The following PRMT1 variants were observed in gnomAD, a reference collection of about 807,000 sequenced individuals.
PRMT1 encodes protein arginine methyltransferase 1.
Under a neutral mutation model 47.4 loss-of-function variants are expected in PRMT1, and 5 were observed. That is an observed-to-expected ratio of 0.11 (90% CI 0.06 to 0.22). PRMT1 has a LOEUF of 0.22. Ranked by LOEUF, PRMT1 falls within the 10% of genes least tolerant of loss-of-function variation. The pLI is 1.00. For synonymous variants in PRMT1, 227 were observed against 204.6 expected, an observed-to-expected ratio of 1.11 and a Z score of -0.94; for missense variants, 249 against 518.4, an observed-to-expected ratio of 0.48 and a Z score of 5.05.
At chr19:49,679,705 C>A (rs2082087059) in intron 1 of PRMT1, 167 bp from the exon 2 acceptor site, 3 of 670,464 alleles carry the variant, frequency 4.5e-6, no homozygotes, top group Non-Finnish European at 8.2e-6. Context: ...CTTTTCCCAC[C>A]CTTTCTTAAA....
At chr19:49,678,427 G>A (rs2082068996) in intron 1 of PRMT1, among the ~76,000 whole-genome samples, 1 of 152,162 alleles carries the variant, frequency 6.6e-6, no homozygotes. Flanking sequence ...CTCTGGGGCT[G>A]GGGTTGTCTG....
intron 5 of PRMT1, 81 bp downstream of exon 5, chr19:49,682,340 G>T (rs1167820643): frequency 2.1e-6 from 3 of 1,458,214 alleles, no homozygotes; most frequent in Non-Finnish European, 2.9e-6. Flanking sequence ...AGAGCAGTGG[G>T]GTCTACAGAT....
Position 49,680,663 on chromosome 19 carries a change from C to T in PRMT1, c.192+75C>T. The T allele has an allele frequency of 8.2e-7, 1 of 1,217,646 alleles. No homozygotes were observed. Among genetic ancestry groups the T allele is most frequent in the Non-Finnish European group, 1.2e-6 (1 of 829,498 alleles). The allele number at this position is 1,217,646 out of a possible 1,614,324, so 75.4% of individuals were successfully genotyped here. On this transcript the variant is annotated intron_variant, in intron 3 of 10. Coordinates refer to ENST00000454376, the MANE Select transcript of PRMT1 (RefSeq NM_001536.6). This position sits in a 1 kb window ranked among gnomAD's most constrained non-coding sequence, Gnocchi z 4.2. ...TGGGGAAGGGGTGGAACCTGTTTTC[C>T]CACGCATGCGCACTGCTTCCCCTGG...
chr19:49,687,244 A>G (rs1193791981), intron 10 of PRMT1, among the ~76,000 whole-genome samples: 4 of 151,326 alleles, frequency 2.6e-5, no homozygotes, highest in African/African-American at 9.7e-5. Flanking sequence ...ATCACCTGAG[A>G]TCAGGGGGCT....
Position 49,680,883 on chromosome 19 carries a change from A to G in PRMT1, c.192+295A>G, listed in dbSNP as rs548290637. 4.6e-3 allele frequency among the ~76,000 whole-genome samples: 704 copies of G among 152,318 alleles called. 2 individuals carry two copies. Among genetic ancestry groups the G allele is most frequent in the African/African-American group, 0.016 (669 of 41,572 alleles). On this transcript the variant is annotated intron_variant, in intron 3 of 10. Coordinates refer to ENST00000454376, the MANE Select transcript of PRMT1 (RefSeq NM_001536.6). The surrounding 1 kb of genome is among the most constrained non-coding windows in gnomAD (Gnocchi z 4.2). ...CACTGGTCTCTGCCGCCCTCTAGTG[A>G]CCGGCGGTGGGACTGCGCCCCGGCT...
At chr19:49,686,374 A>G in intron 9 of PRMT1, 131 bp downstream of exon 9, 1 of 1,340,606 alleles carries the variant, frequency 7.5e-7, no homozygotes, top group Non-Finnish European at 1.0e-6. Flanking sequence ...GAGCTCTGCC[A>G]TGTAGCAGTC....
chr19:49,686,024 TAAGG>T (rs1043964379), intron 8 of PRMT1, 65 bp from the exon 9 acceptor site: 30 of 1,560,054 alleles, frequency 1.9e-5, no homozygotes, highest in African/African-American at 1.8e-4. Flanking sequence ...TCTGGGAGCT[TAAGG>T]GAGGGAGGAG....
At chr19:49,682,779 ATTTTTTTTTTTT>A (rs58218406) in intron 5 of PRMT1, among the ~76,000 whole-genome samples, 3 of 70,996 alleles carry the variant, frequency 4.2e-5, no homozygotes, top group South Asian at 5.5e-4. Flanking sequence ...CATCCCCAGC[ATTTTTTTTTTTT>A]TTTTTTTTTT....
rs2082181968 is a variant in PRMT1 at position 49,684,898 on chromosome 19, C to A, written c.644-24C>A. ...CCTCGGGTGGGCTGCTGCGGGCTCA[C>A]CCCCTCCCTGCCTGCCTCCCCAGGG... On this transcript the variant is annotated intron_variant, in intron 7 of 10. Transcript: ENST00000454376. This position sits in a 1 kb window ranked among gnomAD's most constrained non-coding sequence, Gnocchi z 6.2. 6.2e-7 allele frequency: 1 copy of A among 1,605,144 alleles called. No homozygotes were observed. Among genetic ancestry groups the A allele is most frequent in the Non-Finnish European group, 8.5e-7 (1 of 1,174,052 alleles).
rs367992549 is a variant in PRMT1, at chr19:49,684,099, G to A, written c.555+30G>A. 5.8e-5 allele frequency: 93 copies of A among 1,612,440 alleles called. No individual in the cohort carries two copies. Among genetic ancestry groups the A allele is most frequent in the South Asian group, 4.3e-4 (39 of 91,046 alleles). On this transcript the variant is annotated intron_variant, in intron 6 of 10. Coordinates refer to ENST00000454376, the MANE Select transcript of PRMT1 (RefSeq NM_001536.6). This position sits in a 1 kb window ranked among gnomAD's most constrained non-coding sequence, Gnocchi z 6.2. ...GGCCCCAGCGGGACGGGTGCAGCTC[G>A]CGTGGGCTGGGGTCCAGGTAGAAGA...
chr19:49,683,328 A>C (rs556196751), intron 5 of PRMT1, among the ~76,000 whole-genome samples: 2 of 152,220 alleles, frequency 1.3e-5, no homozygotes, highest in African/African-American at 2.4e-5. Context: ...TGTCTTATCT[A>C]ATAGATAAAG....
Position 49,679,760 on chromosome 19 carries a change from A to G in PRMT1, c.37-112A>G, listed in dbSNP as rs573401562. The G allele has an allele frequency of 6.4e-5, 50 of 782,182 alleles. No homozygotes were observed. The East Asian group carries it at 1.3e-3, about 20-fold the overall frequency. 48.5% of individuals were successfully genotyped at this position (782,182 alleles called of 1,614,324 possible). On this transcript the variant is annotated intron_variant, in intron 1 of 10. Transcript: ENST00000454376. The stretch of plus-strand genomic sequence containing the variant: ...CCCCCTTCGCCACCACTCCCCACCA[A>G]GAAGGAGAATTGCTGGAAACCCACC...
chr19:49,688,317 T>A lies in PRMT1; in HGVS notation c.*72T>A. 1 of 1,432,120 alleles carries A rather than the reference T, an allele frequency of 7.0e-7. No individual in the cohort carries two copies. The highest frequency in any genetic ancestry group is 9.8e-7 in the Non-Finnish European group (1 of 1,021,150). The allele number at this position is 1,432,120 out of a possible 1,614,324, so 88.7% of individuals were successfully genotyped here. ...AGGCGGTTTCGGGGCTCCCCCTTCC[T>A]CTCCCTCCCTCCCGCAGAAGGGGGT... On this transcript the variant is annotated 3_prime_UTR_variant, in exon 11 of 11. Transcript: ENST00000454376. The surrounding 1 kb of genome is among the most constrained non-coding windows in gnomAD (Gnocchi z 5.3).
At position 49,681,154 on chromosome 19, in the gene PRMT1, AT is replaced by A. The variant is rs2082112960; in HGVS notation, c.192+567del. Among the ~76,000 whole-genome samples the A allele has an allele frequency of 6.6e-6, 1 of 152,108 alleles. No homozygotes were observed. ...AGCCTCGACCTCCCCGGCTCAGGTG[AT>A]CCCCCCACTTCCACTTTCGGAGTAG... is the stretch of plus-strand genomic sequence containing the variant. On this transcript the variant is annotated intron_variant, in intron 3 of 10. Transcript: ENST00000454376. The surrounding 1 kb of genome is among the most constrained non-coding windows in gnomAD (Gnocchi z 4.4).
chr19:49,677,480 C>A, intron 1 of PRMT1, 164 bp downstream of exon 1: 2 of 515,632 alleles, frequency 3.9e-6, no homozygotes, highest in Non-Finnish European at 6.2e-6. Context: ...TTTGAGGTGA[C>A]GGCTCCCTAG....
chr19:49,678,416 C>T (rs565654304), intron 1 of PRMT1: 8 of 152,308 alleles, frequency 5.3e-5, no homozygotes, highest in African/African-American at 1.9e-4. Context: ...CGTTTCAAGC[C>T]CTCTGGGGCT....
In PRMT1 at chr19:49,680,337, G is replaced by T. The variant is rs896969963; in HGVS notation, c.91-150G>T. On this transcript the variant is annotated intron_variant, in intron 2 of 10. Transcript: ENST00000454376. This position sits in a 1 kb window ranked among gnomAD's most constrained non-coding sequence, Gnocchi z 4.2. ...TTGTTAGGTTTTGGGGTTCCTGGGG[G>T]GGCAAGATGGCAGGCGGGGGCTGTA... 9.1e-7 allele frequency: 1 copy of T among 1,098,030 alleles called. No individual in the cohort carries two copies. The highest frequency in any genetic ancestry group is 1.6e-5 in the African/African-American group (1 of 64,492). The allele number at this position is 1,098,030 out of a possible 1,614,324, so 68.0% of individuals were successfully genotyped here.
rs2082188363 is a variant in PRMT1 at position 49,685,289 on chromosome 19, A to G, written c.759+252A>G. 7.1e-7 allele frequency: 1 copy of G among 1,416,990 alleles called. No individual in the cohort carries two copies. Among genetic ancestry groups the G allele is most frequent in the African/African-American group, 1.4e-5 (1 of 69,706 alleles). 87.8% of individuals were successfully genotyped at this position (1,416,990 alleles called of 1,614,324 possible). ...GGAAACACCCAAAGCTGGCAGCTAA[A>G]GCCCACAGCCCATGCACGGAAAGGC... On this transcript the variant is annotated intron_variant, in intron 8 of 10. Transcript: ENST00000454376. This position sits in a 1 kb window ranked among gnomAD's most constrained non-coding sequence, Gnocchi z 4.7.
chr19:49,680,716 T>G lies in PRMT1; in HGVS notation c.192+128T>G. ...GCAGGCCGCCCCCCTGCCCCTCTGC[T>G]GCGCACTTCCTAGGGTCGCCTCGCC... On this transcript the variant is annotated intron_variant, in intron 3 of 10. Coordinates refer to ENST00000454376, the MANE Select transcript of PRMT1 (RefSeq NM_001536.6). The surrounding 1 kb of genome is among the most constrained non-coding windows in gnomAD (Gnocchi z 4.2). The G allele has an allele frequency of 1.3e-6, 1 of 768,472 alleles. No individual in the cohort carries two copies. The highest frequency in any genetic ancestry group is 2.2e-6 in the Non-Finnish European group (1 of 462,046). The allele number at this position is 768,472 out of a possible 1,614,324, so 47.6% of individuals were successfully genotyped here.
Sources: allele counts gnomAD v4.1 joint callset (sites outside exome capture counted in the v4.1 genomes callset), GRCh38; gene constraint gnomAD v4.1.1; non-coding constraint Gnocchi (gnomAD v3.1); transcripts MANE v1.5; gene names NCBI Gene and HGNC (gene_info 2026-07-23, HGNC 2026-07-21).